The following REXO5 variants were observed in gnomAD, a reference collection of about 807,000 sequenced individuals.
REXO5 encodes exonuclease NEF-sp.
In REXO5, 48 loss-of-function variants were observed where a neutral mutation model predicts 88.5. The ratio of observed to expected loss-of-function variants is 0.54; its 90% CI spans 0.43 to 0.69. REXO5 has a LOEUF of 0.69. Among genes scored for constraint, REXO5 ranks in the 30% least tolerant of loss-of-function variants. The pLI, the probability that REXO5 is intolerant of heterozygous loss-of-function variation, is 0.00. For synonymous variants in REXO5, 311 were observed against 336.5 expected (o/e 0.92, Z 0.83); for missense variants, 749 against 912.2 (o/e 0.82, Z 2.30).
At chr16:20,846,398 A>G (rs2081608177) in intron 19 of REXO5, 59 bp downstream of exon 19, 2 of 1,307,762 alleles carry the variant, frequency 1.5e-6, no homozygotes, top group Non-Finnish European at 2.2e-6. Flanking sequence ...AGCTGTTCTT[A>G]GAGAAAAAGC....
At chr16:20,813,979 A>C (rs2081042903) in intron 3 of REXO5, among the ~76,000 whole-genome samples, 1 of 152,192 alleles carries the variant, frequency 6.6e-6, no homozygotes, top group South Asian at 2.1e-4. Flanking sequence ...ATGTATGCAA[A>C]TAATACACAC....
At chr16:20,846,374 G>C (rs374254715) in intron 19 of REXO5, 35 bp downstream of exon 19, 13 of 1,508,254 alleles carry the variant, frequency 8.6e-6, no homozygotes, top group African/African-American at 1.4e-5. Flanking sequence ...TCAGGACTCT[G>C]TCCCCTGGAT....
At chr16:20,816,946 A>G (rs755198498) in intron 5 of REXO5, among the ~76,000 whole-genome samples, 5 of 152,224 alleles carry the variant, frequency 3.3e-5, no homozygotes, top group Non-Finnish European at 7.3e-5. Context: ...TGAAAGATTC[A>G]TGATAGCAGT....
At chr16:20,813,781 C>A (rs2040750) in intron 3 of REXO5, among the ~76,000 whole-genome samples, 94,456 of 151,944 alleles carry the variant, frequency 0.62, 30,467 homozygotes, top group Non-Finnish European at 0.72. Context: ...AAGAGAGCCC[C>A]GGCATAGTGG....
Position 20,806,546 on chromosome 16 carries a change from A to G in REXO5, c.-162A>G. On this transcript the variant is annotated 5_prime_UTR_variant, in exon 1 of 20. Coordinates refer to ENST00000261377, the MANE Select transcript of REXO5 (RefSeq NM_030941.3). Reference sequence around the variant, plus strand: ...GCGGTTGTTGTTGGCAGCTGTGGCTAAGGAGGGGAGAACCTCTGCTCCCCG... The same window carrying G: ...GCGGTTGTTGTTGGCAGCTGTGGCTGAGGAGGGGAGAACCTCTGCTCCCCG... The G allele has an allele frequency of 6.6e-7, 1 of 1,519,056 alleles. No homozygotes were observed. The allele number at this position is 1,519,056 out of a possible 1,614,324, so 94.1% of individuals were successfully genotyped here.
At chr16:20,838,089 T>C (rs2081464404) in intron 13 of REXO5, among the ~76,000 whole-genome samples, 1 of 152,150 alleles carries the variant, frequency 6.6e-6, no homozygotes, top group Admixed American at 6.5e-5. Context: ...TTAATAGTAG[T>C]TTAGATTAAT....
chr16:20,818,111 A>T (rs1010533294), intron 5 of REXO5, among the ~76,000 whole-genome samples: 12 of 152,208 alleles, frequency 7.9e-5, no homozygotes, highest in Non-Finnish European at 1.6e-4. Flanking sequence ...TGTCAATTTA[A>T]CAGAGACCTT....
intron 2 of REXO5, among the ~76,000 whole-genome samples, chr16:20,808,298 C>T (rs2080940876): frequency 6.6e-6 from 1 of 152,170 alleles, no homozygotes; most frequent in South Asian, 2.1e-4. Flanking sequence ...AAATATACTT[C>T]ATTCATCCCT....
In REXO5 at chr16:20,807,903, G is replaced by A. The variant is rs115445168; in HGVS notation, c.138+812G>A. 6.6e-3 allele frequency among the ~76,000 whole-genome samples: 1,007 copies of A among 152,172 alleles called. 18 individuals are homozygous for A. The highest frequency in any genetic ancestry group is 0.023 in the African/African-American group (948 of 41,502). On this transcript the variant is annotated intron_variant, in intron 2 of 19. Transcript: ENST00000261377. ...CCTGTGCACAGACTAGTACCTGCCT[G>A]TCCATGGGGTCCCCAACCCACTGTC...
At chr16:20,829,073 T>C (rs1247915437) in intron 11 of REXO5, among the ~76,000 whole-genome samples, 1 of 152,180 alleles carries the variant, frequency 6.6e-6, no homozygotes, top group Admixed American at 6.5e-5. Flanking sequence ...GTTAAGTATA[T>C]AGTCCCTGCA....
chr16:20,813,430 C>A, intron 3 of REXO5, 128 bp downstream of exon 3: 1 of 586,712 alleles, frequency 1.7e-6, no homozygotes, highest in South Asian at 2.2e-5. Context: ...TATTTTTTTG[C>A]TATGCAGCAT....
chr16:20,844,075 G>T (rs1235085042), intron 16 of REXO5, 49 bp downstream of exon 16: 5 of 1,140,072 alleles, frequency 4.4e-6, no homozygotes, highest in African/African-American at 1.5e-5. Flanking sequence ...GCCTACCACA[G>T]CCTGTATTTA....
At chr16:20,806,811 T>C in intron 1 of REXO5, 106 bp downstream of exon 1, 2 of 1,311,836 alleles carry the variant, frequency 1.5e-6, no homozygotes, top group Non-Finnish European at 2.1e-6. Flanking sequence ...GGAACGGGGA[T>C]AGTTCGGTAA....
At chr16:20,839,116 G>C (rs1331909582) in intron 13 of REXO5, among the ~76,000 whole-genome samples, 1 of 152,190 alleles carries the variant, frequency 6.6e-6, no homozygotes, top group East Asian at 1.9e-4. Context: ...GTGGTGTTGA[G>C]GGAAGGGAGG....
Position 20,806,717 on chromosome 16 carries a change from G to C in REXO5, c.-3+12G>C. On this transcript the variant is annotated intron_variant, in intron 1 of 19. Coordinates refer to ENST00000261377, the MANE Select transcript of REXO5 (RefSeq NM_030941.3). ...CCGTTGAGAATCCGGTAACCGATGC[G>C]GACGGTAAAGCCGTTTGGGTTAGAG... The C allele has an allele frequency of 2.0e-6, 2 of 979,910 alleles. No individual in the cohort carries two copies. The highest frequency in any genetic ancestry group is 2.9e-6 in the Non-Finnish European group (2 of 684,976). The allele number at this position is 979,910 out of a possible 1,614,324, so 60.7% of individuals were successfully genotyped here.
chr16:20,825,346 C>G (rs2081244652), intron 7 of REXO5, among the ~76,000 whole-genome samples: 1 of 152,202 alleles, frequency 6.6e-6, no homozygotes, highest in Non-Finnish European at 1.5e-5. Flanking sequence ...TATATCCTGT[C>G]CTTGCCTGTT....
At chr16:20,819,751 G>A (rs889747554) in intron 5 of REXO5, among the ~76,000 whole-genome samples, 10 of 122,264 alleles carry the variant, frequency 8.2e-5, no homozygotes, top group Non-Finnish European at 2.0e-4. Flanking sequence ...GCGAAACTCC[G>A]TCTCCAAAAA....
intron 5 of REXO5, 35 bp downstream of exon 5, chr16:20,816,247 C>G: frequency 3.3e-6 from 5 of 1,501,422 alleles, no homozygotes; most frequent in Non-Finnish European, 4.6e-6. Context: ...GCTTTGCTCA[C>G]TCTAAAAGAT....
Position 20,825,982 on chromosome 16 carries a change from GCTAT to G in REXO5, c.821+36_821+39del, listed in dbSNP as rs755700885. The G allele has an allele frequency of 1.3e-4, 179 of 1,385,052 alleles. 1 individual carries two copies. In the Admixed American group the frequency reaches 3.2e-3, roughly 24 times the overall value. The allele number at this position is 1,385,052 out of a possible 1,614,324, so 85.8% of individuals were successfully genotyped here. On this transcript the variant is annotated intron_variant, in intron 8 of 19. Transcript: ENST00000261377. ...CACCTTGCCTGCAGCTCTTCTAAGA[GCTAT>G]CGGGCTAGAATGGAATAATACTTAA...
Sources: allele counts gnomAD v4.1 joint callset (sites outside exome capture counted in the v4.1 genomes callset), GRCh38; gene constraint gnomAD v4.1.1; transcripts MANE v1.5; gene names NCBI Gene and HGNC (gene_info 2026-07-23, HGNC 2026-07-21).